The following COL26A1 variants were observed in gnomAD, a reference collection of about 807,000 sequenced individuals.
COL26A1 encodes the protein collagen type XXVI alpha 1 chain.
COL26A1 carries 41 observed loss-of-function variants against 59.3 expected under a neutral mutation model. The observed-to-expected ratio is 0.69, with a 90% CI of 0.54 to 0.90. The LOEUF is 0.90. COL26A1 is among the 40% of genes least tolerant of loss of function. The pLI is 0.00. For synonymous variants in COL26A1, 266 were observed against 256.0 expected (o/e 1.04, Z -0.37); for missense variants, 612 against 602.3 (o/e 1.02, Z -0.17).
chr7:101,556,005 C>A (rs1278377686), intron 12 of COL26A1, 134 bp downstream of exon 12: 4 of 688,398 alleles, frequency 5.8e-6, no homozygotes, highest in Non-Finnish European at 9.7e-6. Context: ...CCCTCCCCTG[C>A]TCAAGGACCC....
rs555554045 is a variant in COL26A1 at position 101,384,748 on chromosome 7, A to G, written c.158+21558A>G. Among the ~76,000 whole-genome samples, 29 of 152,288 alleles carry G rather than the reference A, an allele frequency of 1.9e-4. 1 individual carries two copies. The South Asian group carries it at 4.8e-3, about 25-fold the overall frequency. ...TATGAAAGGGAGTTGATTAAGGAGA[A>G]TTGACTCATGCAATCACAGGGTGAA... On this transcript the variant is annotated intron_variant, in intron 1 of 12. Coordinates refer to ENST00000313669, the MANE Select transcript of COL26A1 (RefSeq NM_001278563.3).
chr7:101,528,521 C>CCTCCCCT (rs1554342444), intron 3 of COL26A1, among the ~76,000 whole-genome samples: 3 of 150,892 alleles, frequency 2.0e-5, no homozygotes, highest in African/African-American at 7.4e-5. Flanking sequence ...CCTTCCCTCT[C>CCTCCCCT]CTCCCCTCCT....
chr7:101,394,282 C>T (rs889782143), intron 1 of COL26A1, among the ~76,000 whole-genome samples: 2 of 152,174 alleles, frequency 1.3e-5, no homozygotes, highest in African/African-American at 4.8e-5. Context: ...AATAGATTCT[C>T]CCACGGAGAC....
At chr7:101,448,098 C>G (rs1309654540) in intron 3 of COL26A1, among the ~76,000 whole-genome samples, 5 of 152,226 alleles carry the variant, frequency 3.3e-5, no homozygotes, top group Non-Finnish European at 7.3e-5. Flanking sequence ...CCACTTTTGG[C>G]TCCGATGCAC....
chr7:101,373,292 C>A (rs1416776268), intron 1 of COL26A1, among the ~76,000 whole-genome samples: 1 of 152,202 alleles, frequency 6.6e-6, no homozygotes, highest in Non-Finnish European at 1.5e-5. Context: ...TCCTGGCTGT[C>A]TCCAGTGCCT....
At chr7:101,531,022 G>A (rs1795356744) in intron 3 of COL26A1, among the ~76,000 whole-genome samples, 1 of 151,698 alleles carries the variant, frequency 6.6e-6, no homozygotes, top group Non-Finnish European at 1.5e-5. Context: ...CCAGGCTGGA[G>A]TGCAGTGGTG....
chr7:101,514,210 T>C (rs1584477261), intron 3 of COL26A1, among the ~76,000 whole-genome samples: 1 of 151,634 alleles, frequency 6.6e-6, no homozygotes, highest in Non-Finnish European at 1.5e-5. Context: ...TGGTGGCGGG[T>C]GCCTGTAGTC....
chr7:101,400,888 T>C (rs1186670141), intron 1 of COL26A1, among the ~76,000 whole-genome samples: 1 of 152,144 alleles, frequency 6.6e-6, no homozygotes, highest in East Asian at 1.9e-4. Context: ...CACTTGTTCA[T>C]TCAGTAAATA....
chr7:101,514,679 T>A (rs1435831945), intron 3 of COL26A1, among the ~76,000 whole-genome samples: 2 of 152,120 alleles, frequency 1.3e-5, no homozygotes, highest in Non-Finnish European at 1.5e-5. Context: ...GCTAGATGTG[T>A]CTTTGGCTGC....
intron 1 of COL26A1, among the ~76,000 whole-genome samples, chr7:101,403,185 T>C (rs576742568): frequency 1.1e-4 from 17 of 152,254 alleles, no homozygotes; most frequent in South Asian, 8.3e-4. Flanking sequence ...CATAGAGAGA[T>C]GGTTTCAGGG....
intron 1 of COL26A1, among the ~76,000 whole-genome samples, chr7:101,405,077 C>T (rs1405610236): frequency 6.6e-6 from 1 of 151,820 alleles, no homozygotes; most frequent in Non-Finnish European, 1.5e-5. Flanking sequence ...CAAAAATTAG[C>T]CGGGCGTGGT....
At position 101,489,785 on chromosome 7, in the gene COL26A1, T is replaced by TCC. The variant is rs1794381679; in HGVS notation, c.385+41999_385+42000insCC. ...TTCTTTCTTTCTTTCTTTCTTTCTT[T>TCC]CTTTCTTTCTTTCTTTCTTTCTTTC... On this transcript the variant is annotated intron_variant, in intron 3 of 12. Coordinates refer to ENST00000313669, the MANE Select transcript of COL26A1 (RefSeq NM_001278563.3). Among the ~76,000 whole-genome samples, 10 of 2,094 alleles carry TCC rather than the reference T, an allele frequency of 4.8e-3. 1 individual carries two copies. Among genetic ancestry groups the TCC allele is most frequent in the Non-Finnish European group, 9.5e-3 (8 of 842 alleles). The allele number at this position is 2,094 out of a possible 152,430, so 1.4% of individuals were successfully genotyped here.
chr7:101,525,372 G>A (rs1372894085), intron 3 of COL26A1, among the ~76,000 whole-genome samples: 2 of 151,498 alleles, frequency 1.3e-5, no homozygotes, highest in Admixed American at 6.6e-5. Context: ...TAATAGAAAC[G>A]GGGTTTCACT....
At chr7:101,420,920 A>C (rs1181379622) in intron 2 of COL26A1, among the ~76,000 whole-genome samples, 1 of 151,800 alleles carries the variant, frequency 6.6e-6, no homozygotes, top group African/African-American at 2.4e-5. Context: ...CCTCCTCTCC[A>C]GGCCGTGCTT....
rs956914950 is a variant in COL26A1, at chr7:101,551,127, G to A, written c.1013G>A (p.Gly338Asp). The A allele has an allele frequency of 1.9e-6, 3 of 1,550,902 alleles. No individual in the cohort carries two copies. Among genetic ancestry groups the A allele is most frequent in the Non-Finnish European group, 1.7e-6 (2 of 1,146,774 alleles). Residue 338 changes from glycine (G) to aspartate (D), a missense_variant, in exon 10 of 13, where the codon GGC becomes GAC. Gly to Asp is a moderately conservative substitution (Grantham distance 94). Coordinates refer to ENST00000313669, the MANE Select transcript of COL26A1 (RefSeq NM_001278563.3). ...CTGCAGGGCCTGGCTGGAGAGCGAG[G>A]CACAGTGGGGCCGTCCGTAAGTGTG... ...PGSQGLAGERGTVGPSGEPGV... is the reference protein window; with the variant it reads ...PGSQGLAGERDTVGPSGEPGV...
chr7:101,504,561 A>G (rs1430876742), intron 3 of COL26A1, among the ~76,000 whole-genome samples: 1 of 152,134 alleles, frequency 6.6e-6, no homozygotes, highest in African/African-American at 2.4e-5. Context: ...TGTGACCCCA[A>G]AGTTGCTGTT....
intron 1 of COL26A1, 140 bp from the exon 2 acceptor site, chr7:101,419,837 C>T (rs1211533600): frequency 2.5e-6 from 2 of 796,922 alleles, no homozygotes; most frequent in South Asian, 1.7e-5. Context: ...GACAGAGGGT[C>T]TCAGTGGGCC....
At position 101,384,230 on chromosome 7, in the gene COL26A1, GTTTTTTTTTTTTT is replaced by G. The variant is rs35085221; in HGVS notation, c.158+21052_158+21064del. Among the ~76,000 whole-genome samples the G allele has an allele frequency of 1.2e-4, 13 of 105,686 alleles. No individual in the cohort carries two copies. In the Admixed American group the frequency reaches 1.3e-3, roughly 11 times the overall value. The allele number at this position is 105,686 out of a possible 152,430, so 69.3% of individuals were successfully genotyped here. On this transcript the variant is annotated intron_variant, in intron 1 of 12. Coordinates refer to ENST00000313669, the MANE Select transcript of COL26A1 (RefSeq NM_001278563.3). The stretch of plus-strand genomic sequence containing the variant: ...GGGTCTTCCTATATTGTTCAGGCTG[GTTTTTTTTTTTTT>G]TTTTTTTTTTTAAGACGGAGTCTCA...
chr7:101,412,604 C>A (rs994821463), intron 1 of COL26A1, among the ~76,000 whole-genome samples: 3 of 145,132 alleles, frequency 2.1e-5, no homozygotes, highest in Non-Finnish European at 4.5e-5. Context: ...AAGATTGCAT[C>A]GCTGCCCTTC....
Sources: gnomAD v4.1 joint callset for allele counts (sites outside exome capture counted in the v4.1 genomes callset) on GRCh38, gnomAD v4.1.1 for gene constraint, MANE v1.5 for transcripts, NCBI Gene and HGNC (gene_info 2026-07-23, HGNC 2026-07-21) for gene names.